Variants in ACOT11 observed in about 807,000 individuals in gnomAD.
The protein encoded by ACOT11 is acyl-CoA thioesterase 11.
A neutral mutation model predicts 77.5 loss-of-function variants in ACOT11; 69 were observed. The ratio of observed to expected loss-of-function variants is 0.89; its 90% CI spans 0.73 to 1.09. The LOEUF (loss-of-function observed/expected upper bound fraction) is 1.09. ACOT11 is among the 50% of genes least tolerant of loss of function. The pLI, the probability that ACOT11 is intolerant of heterozygous loss-of-function variation, is 0.00. For missense variants in ACOT11, 766 were observed against 813.7 expected (o/e 0.94, Z 0.71); for synonymous variants, 279 against 313.0 (o/e 0.89, Z 1.15).
In ACOT11 at chr1:54,548,303, C is replaced by G; in HGVS notation, c.-7C>G. ...GAGGGCGCTGCTTTCCCCGGCCACC[C>G]GGCGCGATGATCCAGAATGTCGGAA... On this transcript the variant is annotated 5_prime_UTR_variant, in exon 1 of 16. Transcript: ENST00000343744. The G allele has an allele frequency of 6.3e-7, 1 of 1,593,930 alleles. No homozygotes were observed. Among genetic ancestry groups the G allele is most frequent in the South Asian group, 1.1e-5 (1 of 87,312 alleles).
chr1:54,570,537 CAG>C (rs1491407857), intron 1 of ACOT11, among the ~76,000 whole-genome samples: 2 of 152,258 alleles, frequency 1.3e-5, no homozygotes, highest in East Asian at 3.9e-4. Context: ...TTTTTTGAGA[CAG>C]AGTCTCGCTG....
exon 17 of ACOT11, chr1:54,636,492 G>A (rs1296404840): frequency 6.6e-6 from 1 of 152,220 alleles, no homozygotes; most frequent in African/African-American, 2.4e-5. Context: ...CAGCCCTAAG[G>A]CGGTTTTCCC....
intron 1 of ACOT11, among the ~76,000 whole-genome samples, chr1:54,551,804 C>CGGT (rs200687866): frequency 0.053 from 8,105 of 151,976 alleles, 244 homozygotes; most frequent in Middle Eastern, 0.14. Flanking sequence ...CCCAGGAGTG[C>CGGT]GGTGGTGTAA....
chr1:54,607,923 C>T lies in ACOT11; in HGVS notation c.1503-19C>T, dbSNP rs775738847. 4.5e-5 allele frequency: 73 copies of T among 1,613,598 alleles called. No individual in the cohort carries two copies. The South Asian group carries it at 7.8e-4, about 17-fold the overall frequency. Reference sequence around the variant, plus strand: ...TCTGTGGCTGACCCCTGTCCCCTTGCTACCCTTCCTTCACTCAGGGACCCC... The same window carrying T: ...TCTGTGGCTGACCCCTGTCCCCTTGTTACCCTTCCTTCACTCAGGGACCCC... On this transcript the variant is annotated intron_variant, in intron 14 of 15. Coordinates refer to ENST00000343744, the MANE Select transcript of ACOT11 (RefSeq NM_147161.4). This position sits in a 1 kb window ranked among gnomAD's most constrained non-coding sequence, Gnocchi z 4.5.
At chr1:54,633,398 C>T (rs1644312442) in intron 16 of ACOT11, among the ~76,000 whole-genome samples, 1 of 152,170 alleles carries the variant, frequency 6.6e-6, no homozygotes, top group Non-Finnish European at 1.5e-5. Flanking sequence ...GTTATACAAC[C>T]TATGGGAGCA....
chr1:54,626,500 TGCCAAATGAC>T (rs1195823073), intron 15 of ACOT11, among the ~76,000 whole-genome samples: 2 of 136,190 alleles, frequency 1.5e-5, no homozygotes, highest in African/African-American at 5.0e-5. Flanking sequence ...CACACAACAC[TGCCAAATGAC>T]TCTCATGTCC....
chr1:54,582,699 C>T (rs1167659218), intron 1 of ACOT11, among the ~76,000 whole-genome samples: 2 of 152,108 alleles, frequency 1.3e-5, no homozygotes, highest in African/African-American at 2.4e-5. Flanking sequence ...TTCTTGCCCT[C>T]GTCCTCGTGA....
intron 1 of ACOT11, among the ~76,000 whole-genome samples, chr1:54,554,351 A>ATAT (rs1553161034): frequency 0.15 from 14,283 of 97,074 alleles, 1,605 homozygotes; most frequent in Non-Finnish European, 0.2. Context: ...ATATATATAT[A>ATAT]TTTTTTTTTT....
rs184535526 is a variant in ACOT11 at position 54,629,992 on chromosome 1, C to T, written c.1630-742C>T. Among the ~76,000 whole-genome samples the T allele has an allele frequency of 2.5e-3, 340 of 134,196 alleles. 37 individuals carry two copies. Among genetic ancestry groups the T allele is most frequent in the African/African-American group, 8.1e-3 (319 of 39,564 alleles). The allele number at this position is 134,196 out of a possible 152,430, so 88.0% of individuals were successfully genotyped here. On this transcript the variant is annotated intron_variant, in intron 15 of 16. Coordinates refer to the ACOT11 transcript ENST00000371316. ...TCAGCTCACTGCAAGCTCTGCCTCC[C>T]GGGTTCACGCCATTCTCCTGCCTCA...
intron 3 of ACOT11, among the ~76,000 whole-genome samples, chr1:54,587,597 C>A (rs1481989735): frequency 1.9e-5 from 2 of 106,864 alleles, no homozygotes; most frequent in African/African-American, 3.7e-5. Context: ...CTTGCTCTGT[C>A]ACCCAGGCTG....
At position 54,602,725 on chromosome 1, in the gene ACOT11, G is replaced by C; in HGVS notation, c.1085+1G>C. On this transcript the variant is annotated splice_donor_variant, in intron 10 of 15. Transcript: ENST00000343744. LOFTEE classifies it high-confidence loss of function. The stretch of plus-strand genomic sequence containing the variant: ...CCAGAAAGAAGATCCGCCTGGACAG[G>C]TGAGTAGGGGCTGAGTGGTGGGCAG... 6.5e-7 allele frequency: 1 copy of C among 1,547,354 alleles called. No individual in the cohort carries two copies. The highest frequency in any genetic ancestry group is 8.7e-7 in the Non-Finnish European group (1 of 1,147,238).
At chr1:54,621,252 T>C (rs1045728040) in intron 15 of ACOT11, among the ~76,000 whole-genome samples, 2 of 150,430 alleles carry the variant, frequency 1.3e-5, no homozygotes, top group African/African-American at 2.4e-5. Flanking sequence ...AGTTCAGGAG[T>C]TCACGATCAG....
chr1:54,604,780 G>A (rs1644005661), intron 12 of ACOT11, among the ~76,000 whole-genome samples: 1 of 152,192 alleles, frequency 6.6e-6, no homozygotes, highest in African/African-American at 2.4e-5. Flanking sequence ...TCTGCCAGCT[G>A]CCTGTTCCCC....
In ACOT11 at chr1:54,606,220, G is replaced by A. The variant is rs115979970; in HGVS notation, c.1371-914G>A. On this transcript the variant is annotated intron_variant, in intron 13 of 15. Coordinates refer to ENST00000343744, the MANE Select transcript of ACOT11 (RefSeq NM_147161.4). Reference sequence around the variant, plus strand: ...GAGAGGTGATTTGGTGGTGGATGTCGTGTAGGGGGAGGGCGGTTGTGCATG... The same window carrying A: ...GAGAGGTGATTTGGTGGTGGATGTCATGTAGGGGGAGGGCGGTTGTGCATG... 7.5e-3 allele frequency among the ~76,000 whole-genome samples: 1,138 copies of A among 152,304 alleles called. 14 individuals carry two copies. The highest frequency in any genetic ancestry group is 0.026 in the African/African-American group (1,077 of 41,562).
chr1:54,624,107 G>A (rs1644257001), intron 15 of ACOT11, among the ~76,000 whole-genome samples: 1 of 152,164 alleles, frequency 6.6e-6, no homozygotes, highest in African/African-American at 2.4e-5. Flanking sequence ...TCATGCAGAG[G>A]GAGTTCTGGG....
At chr1:54,636,565 A>G (rs1341317314) in exon 17 of ACOT11, 1 of 152,190 alleles carries the variant, frequency 6.6e-6, no homozygotes, top group Non-Finnish European at 1.5e-5. Context: ...CAGACATTCC[A>G]TTGCCCAGAG....
chr1:54,631,001 G>T (rs531815637), intron 16 of ACOT11: 1 of 492,002 alleles, frequency 2.0e-6, no homozygotes, highest in South Asian at 3.8e-5. Flanking sequence ...CAACAGTATA[G>T]CGAAGTAACA....
At chr1:54,572,467 A>C (rs1653957322) in intron 1 of ACOT11, among the ~76,000 whole-genome samples, 1 of 152,000 alleles carries the variant, frequency 6.6e-6, no homozygotes, top group African/African-American at 2.4e-5. Context: ...TCTGTCCTTC[A>C]CAGCCCCAGA....
intron 15 of ACOT11, among the ~76,000 whole-genome samples, chr1:54,624,091 A>G (rs2101029206): frequency 6.6e-6 from 1 of 152,282 alleles, no homozygotes; most frequent in African/African-American, 2.4e-5. Context: ...GGGCTGAGTC[A>G]CCACTTCATG....
Sources: gnomAD v4.1 joint callset for allele counts (sites outside exome capture counted in the v4.1 genomes callset) on GRCh38, gnomAD v4.1.1 for gene constraint, Gnocchi (gnomAD v3.1) non-coding constraint, MANE v1.5 for transcripts, NCBI Gene and HGNC (gene_info 2026-07-23, HGNC 2026-07-21) for gene names.